RALGDS: variants seen among roughly 807,000 people sequenced by gnomAD.
The protein encoded by RALGDS is ral guanine nucleotide dissociation stimulator.
In RALGDS, 44 loss-of-function variants were observed where a neutral mutation model predicts 99.8. That is an observed-to-expected ratio of 0.44 (90% CI 0.35 to 0.57). The LOEUF is 0.57. RALGDS is among the 20% of genes least tolerant of loss of function. The probability of loss-of-function intolerance (pLI) is 0.01; values close to 1 mark genes in which losing one functional copy is unlikely to be tolerated. For missense variants in RALGDS, 1,022 were observed against 1,203.1 expected (o/e 0.85, Z 2.23); for synonymous variants, 529 against 505.0 (o/e 1.05, Z -0.64).
chr9:133,102,278 A>G, intron 14 of RALGDS, 139 bp from the exon 15 acceptor site: 1 of 1,112,934 alleles, frequency 9.0e-7, no homozygotes, highest in Non-Finnish European at 1.3e-6. Flanking sequence ...CATCTGGGAG[A>G]GCATTTAGTA....
At chr9:133,121,359 C>A (rs1441958295), upstream of RALGDS, 3 of 397,552 alleles carry the variant, frequency 7.5e-6, no homozygotes, top group Admixed American at 1.3e-4. Context: ...TGCGCGCGCC[C>A]GCGGCCCCGC....
Position 133,108,347 on chromosome 9 carries a change from C to A in RALGDS, c.838G>T (p.Ala280Ser). ...GCCGGCACTGGGCTGGGTGCTCGAG[C>A]TGGTGTTAGAGCTAGCTCGAGCTCT... ...TPELELALTP[A>S]RAPSPVPAPA... is the part of the protein sequence containing the mutation. The change falls in exon 6 of 18, where the codon GCT becomes TCT. Residue 280 changes from alanine (A) to serine (S), a missense_variant. Coordinates refer to ENST00000372050, the MANE Select transcript of RALGDS (RefSeq NM_006266.4). 6.5e-7 allele frequency: 1 copy of A among 1,541,040 alleles called. No homozygotes were observed. The highest frequency in any genetic ancestry group is 1.2e-5 in the South Asian group (1 of 84,302).
chr9:133,100,676 G>A, intron 16 of RALGDS: 1 of 1,289,458 alleles, frequency 7.8e-7, no homozygotes, highest in Non-Finnish European at 9.9e-7. Context: ...ACTTCCTTGA[G>A]AAGCACTTGC....
intron 1 of RALGDS, among the ~76,000 whole-genome samples, chr9:133,119,504 C>T (rs151123696): frequency 6.6e-6 from 1 of 152,264 alleles, no homozygotes; most frequent in East Asian, 1.9e-4. Context: ...GACAAGACCC[C>T]CAGGCAGGGG....
At position 133,108,315 on chromosome 9, in the gene RALGDS, G is replaced by C. The variant is rs1018880517; in HGVS notation, c.870C>G (p.Ala290=). The C allele has an allele frequency of 6.5e-7, 1 of 1,545,692 alleles. No individual in the cohort carries two copies. Among genetic ancestry groups the C allele is most frequent in the African/African-American group, 1.4e-5 (1 of 73,066 alleles). The change falls in exon 6 of 18, where the codon GCC becomes GCG. Residue 290 remains alanine (A), a synonymous_variant. Coordinates refer to ENST00000372050, the MANE Select transcript of RALGDS (RefSeq NM_006266.4). The part of the protein sequence containing the change: ...ARAPSPVPAP[A]PEPEPAPTPA... ...GTGTTGGAGCTGGCTCTGGCTCCGG[G>C]GCTGGAGCCGGCACTGGGCTGGGTG... is the stretch of plus-strand genomic sequence containing the variant.
At chr9:133,110,757 A>G (rs1386977000) in intron 2 of RALGDS, among the ~76,000 whole-genome samples, 1 of 151,816 alleles carries the variant, frequency 6.6e-6, no homozygotes, top group Non-Finnish European at 1.5e-5. Context: ...GAAATCCCCC[A>G]GCTCTACAAA....
Position 133,104,124 on chromosome 9 carries a change from G to C in RALGDS, c.1671+139C>G, listed in dbSNP as rs1036918437. 26 of 934,660 alleles carry C rather than the reference G, an allele frequency of 2.8e-5. No individual in the cohort carries two copies. In the African/African-American group the frequency reaches 3.9e-4, roughly 14 times the overall value. The allele number at this position is 934,660 out of a possible 1,614,324, so 57.9% of individuals were successfully genotyped here. ...CAGCTGGTCTTCCCAGATACCAGCT[G>C]ATCCAGGTGTGGCTCTGCTAGGGTC... On this transcript the variant is annotated intron_variant, in intron 10 of 17. Transcript: ENST00000372050.
At chr9:133,130,626 T>A (rs1334550542) in intron 1 of RALGDS, among the ~76,000 whole-genome samples, 1 of 152,216 alleles carries the variant, frequency 6.6e-6, no homozygotes, top group Non-Finnish European at 1.5e-5. Flanking sequence ...GAGTGACTAC[T>A]GGAGTTGTAA....
intron 1 of RALGDS, among the ~76,000 whole-genome samples, chr9:133,141,668 G>A (rs1832525581): frequency 6.6e-6 from 1 of 152,266 alleles, no homozygotes; most frequent in Admixed American, 6.5e-5. Flanking sequence ...AGGAGGAAGG[G>A]CAGTGGCGGC....
At chr9:133,111,902 T>A in intron 2 of RALGDS, 140 bp downstream of exon 2, 1 of 696,876 alleles carries the variant, frequency 1.4e-6, no homozygotes, top group Non-Finnish European at 2.6e-6. Flanking sequence ...AAAACCCGAT[T>A]AAGCCTGGGC....
Position 133,113,743 on chromosome 9 carries a change from C to G in RALGDS, c.184-1591G>C, listed in dbSNP as rs755059171. ...ACCACCCGGGCCTCCTCAGGGGTCCCAGACTGCCTCCTGTGAAGGCCGTTG... is the reference window on the plus strand; with the variant it reads ...ACCACCCGGGCCTCCTCAGGGGTCCGAGACTGCCTCCTGTGAAGGCCGTTG... On this transcript the variant is annotated intron_variant, in intron 1 of 17. Coordinates refer to ENST00000372050, the MANE Select transcript of RALGDS (RefSeq NM_006266.4). 5.3e-4 allele frequency among the ~76,000 whole-genome samples: 80 copies of G among 152,332 alleles called. 1 individual carries two copies. Among genetic ancestry groups the G allele is most frequent in the South Asian group, 2.1e-3 (10 of 4,834 alleles).
intron 1 of RALGDS, among the ~76,000 whole-genome samples, chr9:133,142,600 C>T (rs1218396742): frequency 6.6e-6 from 1 of 152,178 alleles, no homozygotes; most frequent in Non-Finnish European, 1.5e-5. Context: ...TGGGAGGGGA[C>T]ACTGGGAGTC....
upstream of RALGDS, among the ~76,000 whole-genome samples, chr9:133,124,674 T>TG (rs746394745): frequency 1.3e-5 from 2 of 152,200 alleles, no homozygotes; most frequent in Non-Finnish European, 2.9e-5. Context: ...TGTTGCCCAA[T>TG]GCCCTCAGAT....
chr9:133,123,161 T>G (rs112142514), upstream of RALGDS, among the ~76,000 whole-genome samples: 4,441 of 151,980 alleles, frequency 0.029, 103 homozygotes, highest in Non-Finnish European at 0.045. Flanking sequence ...CACAAAGAGG[T>G]GACCGAGACA....
chr9:133,105,903 GCCCCCGCC>G, intron 9 of RALGDS, 21 bp downstream of exon 9: 1 of 576,102 alleles, frequency 1.7e-6, no homozygotes, highest in Non-Finnish European at 2.7e-6. Flanking sequence ...CCCCGCCCCA[GCCCCCGCC>G]CCAGCCTGCC....
chr9:133,102,772 G>A lies in RALGDS; in HGVS notation c.1913+7C>T. 1 of 1,610,996 alleles carries A rather than the reference G, an allele frequency of 6.2e-7. No individual in the cohort carries two copies. Among genetic ancestry groups the A allele is most frequent in the East Asian group, 2.2e-5 (1 of 44,852 alleles). On this transcript the variant is annotated splice_region_variant and intron_variant, in intron 13 of 17. Transcript: ENST00000372050. ...CCCACTGTCCCCATTTGCTGCCCCG[G>A]CCTCACCTCTCAGTCTCGCTGAGCC... is the stretch of plus-strand genomic sequence containing the variant.
chr9:133,146,117 C>T (rs916155811), intron 1 of RALGDS, among the ~76,000 whole-genome samples: 2 of 152,170 alleles, frequency 1.3e-5, no homozygotes, highest in Non-Finnish European at 2.9e-5. Context: ...AGATATCGGC[C>T]CCCTGTGGCA....
exon 1 of RALGDS, chr9:133,149,166 C>G (rs1488796335): frequency 6.2e-6 from 1 of 160,698 alleles, no homozygotes; most frequent in East Asian, 1.9e-4. Context: ...CAGCGCCGCT[C>G]CCATTGTCTG....
rs60571164 is a variant in RALGDS, at chr9:133,104,975, T to C, written c.1603-644A>G. Among the ~76,000 whole-genome samples the C allele has an allele frequency of 3.0e-3, 454 of 152,306 alleles. 7 individuals are homozygous for C. The highest frequency in any genetic ancestry group is 0.01 in the African/African-American group (424 of 41,570). ...AGATGAGGAAACTATGGCCCTGAGATGGGCAGTGACTTGCCCTGGGCCCCC... is the reference window on the plus strand; with the variant it reads ...AGATGAGGAAACTATGGCCCTGAGACGGGCAGTGACTTGCCCTGGGCCCCC... On this transcript the variant is annotated intron_variant, in intron 9 of 17. Transcript: ENST00000372050.
Sources: gnomAD v4.1 joint callset for allele counts (sites outside exome capture counted in the v4.1 genomes callset) on GRCh38, gnomAD v4.1.1 for gene constraint, MANE v1.5 for transcripts, NCBI Gene and HGNC (gene_info 2026-07-23, HGNC 2026-07-21) for gene names.